The following TRPM7 variants were observed in gnomAD, a reference collection of about 807,000 sequenced individuals.
The protein encoded by TRPM7 is LTRPC ion channel family member 7.
In TRPM7, 134 loss-of-function variants were observed where a neutral mutation model predicts 229.7. The observed-to-expected ratio is 0.58, with a 90% CI of 0.51 to 0.67. The LOEUF (loss-of-function observed/expected upper bound fraction) is 0.67. Ranked by LOEUF, TRPM7 falls within the 30% of genes least tolerant of loss-of-function variation. The probability of loss-of-function intolerance (pLI) is 0.00; values close to 1 mark genes in which losing one functional copy is unlikely to be tolerated. For missense variants in TRPM7, 1,901 were observed against 2,210.0 expected (o/e 0.86, Z 2.80); for synonymous variants, 699 against 715.2 (o/e 0.98, Z 0.36).
chr15:50,631,823 T>C (rs546178042), intron 9 of TRPM7, among the ~76,000 whole-genome samples: 3 of 152,306 alleles, frequency 2.0e-5, no homozygotes, highest in South Asian at 4.1e-4. Flanking sequence ...GCTGAGGCTA[T>C]AGATTCCTTA....
rs2054058722 is a variant in TRPM7 at position 50,574,840 on chromosome 15, A to G, written c.5019+12T>C. On this transcript the variant is annotated intron_variant, in intron 34 of 38. Transcript: ENST00000646667. Reference sequence around the variant, plus strand: ...AATTATGTTCCACTATTAAATATTCACTGACACTTACTCTCAGACAGAGAT... The same window carrying G: ...AATTATGTTCCACTATTAAATATTCGCTGACACTTACTCTCAGACAGAGAT... 2 of 1,603,826 alleles carry G rather than the reference A, an allele frequency of 1.2e-6. No homozygotes were observed. The highest frequency in any genetic ancestry group is 1.7e-6 in the Non-Finnish European group (2 of 1,175,148).
At chr15:50,611,427 CACTT>C (rs1451709459) in intron 16 of TRPM7, 106 bp from the exon 17 acceptor site, 42 of 822,714 alleles carry the variant, frequency 5.1e-5, no homozygotes, top group African/African-American at 1.2e-4. Flanking sequence ...TTCTCACACA[CACTT>C]ACAGAATTAT....
intron 11 of TRPM7, among the ~76,000 whole-genome samples, chr15:50,627,419 T>C (rs936369881): frequency 6.6e-6 from 1 of 151,670 alleles, no homozygotes. Context: ...TAGGGAAAAA[T>C]GTTAAGATAG....
At chr15:50,663,221 C>T (rs752072923) in intron 1 of TRPM7, among the ~76,000 whole-genome samples, 175 bp from the exon 2 acceptor site, 3 of 151,830 alleles carry the variant, frequency 2.0e-5, no homozygotes, top group South Asian at 2.1e-4. Context: ...CTCCGCCTCC[C>T]GGGTTCAAGT....
chr15:50,594,130 A>G (rs977690269), intron 24 of TRPM7, among the ~76,000 whole-genome samples: 1 of 152,238 alleles, frequency 6.6e-6, no homozygotes, highest in Non-Finnish European at 1.5e-5. Context: ...AGAATGTACT[A>G]AAATTGTTAT....
At chr15:50,630,819 C>A (rs2060709324) in intron 10 of TRPM7, among the ~76,000 whole-genome samples, 1 of 151,988 alleles carries the variant, frequency 6.6e-6, no homozygotes, top group Non-Finnish European at 1.5e-5. Flanking sequence ...CTACAGAGTG[C>A]ACACCACCAT....
intron 31 of TRPM7, 87 bp from the exon 32 acceptor site, chr15:50,576,006 T>G (rs1566944308): frequency 1.5e-6 from 2 of 1,354,930 alleles, no homozygotes; most frequent in East Asian, 4.6e-5. Flanking sequence ...AAAATCATTT[T>G]GAATTTCCAT....
intron 11 of TRPM7, among the ~76,000 whole-genome samples, chr15:50,624,631 G>A (rs992024193): frequency 3.3e-5 from 5 of 152,156 alleles, no homozygotes; most frequent in African/African-American, 1.2e-4. Context: ...GTTTAGGGAA[G>A]GTTTTGTGGG....
At position 50,574,386 on chromosome 15, in the gene TRPM7, ATTG is replaced by A; in HGVS notation, c.5193_5195del (p.Asn1734del). 3 of 1,613,868 alleles carry A rather than the reference ATTG, an allele frequency of 1.9e-6. No individual in the cohort carries two copies. The highest frequency in any genetic ancestry group is 2.5e-6 in the Non-Finnish European group (3 of 1,179,860). On this transcript the variant is annotated inframe_deletion, in exon 36 of 39. Transcript: ENST00000646667. ...TTGGAATAATCTCATCTCCATTATTATTGTTGTATTTTCTAAATTCTCCAGTCA... is the reference window on the plus strand; with the variant it reads ...TTGGAATAATCTCATCTCCATTATTATTGTATTTTCTAAATTCTCCAGTCA...
At chr15:50,675,555 T>C (rs150575331) in intron 1 of TRPM7, among the ~76,000 whole-genome samples, 1 of 152,312 alleles carries the variant, frequency 6.6e-6, no homozygotes, top group Non-Finnish European at 1.5e-5. Flanking sequence ...AGCTGAAAGT[T>C]GTAAATATCA....
At chr15:50,637,040 G>C (rs553398567) in intron 7 of TRPM7, among the ~76,000 whole-genome samples, 2 of 151,896 alleles carry the variant, frequency 1.3e-5, no homozygotes, top group Middle Eastern at 6.3e-3. Flanking sequence ...GCAGAAGAAT[G>C]GTGTGAACCC....
In TRPM7 at chr15:50,605,386, T is replaced by C. The variant is rs1167859297; in HGVS notation, c.2710-242A>G. ...CCAACTAAGAAGCTGAAAATTCAGA[T>C]TACAACCCAGTTCTCTAGACCTGGA... On this transcript the variant is annotated intron_variant, in intron 20 of 38. Coordinates refer to ENST00000646667, the MANE Select transcript of TRPM7 (RefSeq NM_017672.6). 3.9e-5 allele frequency among the ~76,000 whole-genome samples: 6 copies of C among 152,178 alleles called. No individual in the cohort carries two copies. In the East Asian group the frequency reaches 1.2e-3, roughly 29 times the overall value.
chr15:50,614,346 C>A, intron 13 of TRPM7, 83 bp from the exon 14 acceptor site: 1 of 1,232,276 alleles, frequency 8.1e-7, no homozygotes, highest in African/African-American at 1.5e-5. Context: ...GGCCTACTCT[C>A]CAAAATGACA....
intron 16 of TRPM7, 28 bp downstream of exon 16, chr15:50,612,521 T>G: frequency 6.3e-7 from 1 of 1,590,518 alleles, no homozygotes; most frequent in East Asian, 2.3e-5. Flanking sequence ...ATTTTTAAAA[T>G]GTTTTCAAAT....
chr15:50,643,329 C>T lies in TRPM7; in HGVS notation c.535+11G>A, dbSNP rs1596290048. The T allele has an allele frequency of 6.2e-7, 1 of 1,604,878 alleles. No homozygotes were observed. The highest frequency in any genetic ancestry group is 8.5e-7 in the Non-Finnish European group (1 of 1,173,036). On this transcript the variant is annotated intron_variant, in intron 5 of 38. Coordinates refer to ENST00000646667, the MANE Select transcript of TRPM7 (RefSeq NM_017672.6). ...ACACACTAAATAAAATTGGTATAAT[C>T]ATCACATTACCTGTGTTTACTCCTC...
At chr15:50,661,217 C>T (rs886260529) in intron 2 of TRPM7, among the ~76,000 whole-genome samples, 2 of 151,838 alleles carry the variant, frequency 1.3e-5, no homozygotes, top group African/African-American at 2.4e-5. Context: ...CCTCGTGATC[C>T]GCCCACCTCA....
intron 1 of TRPM7, among the ~76,000 whole-genome samples, chr15:50,668,473 A>G (rs2061929215): frequency 6.6e-6 from 1 of 152,114 alleles, no homozygotes; most frequent in Non-Finnish European, 1.5e-5. Flanking sequence ...GAGACTATTT[A>G]TGAGTACTCT....
chr15:50,614,333 A>G (rs1158681418), intron 13 of TRPM7, 70 bp from the exon 14 acceptor site: 8 of 1,354,006 alleles, frequency 5.9e-6, no homozygotes, highest in Non-Finnish European at 8.0e-6. Context: ...CTGCCTAGGA[A>G]CAGGCCTACT....
At position 50,634,523 on chromosome 15, in the gene TRPM7, A is replaced by G. The variant is rs1005304565; in HGVS notation, c.866T>C (p.Ile289Thr). 9 of 1,529,586 alleles carry G rather than the reference A, an allele frequency of 5.9e-6. No individual in the cohort carries two copies. The highest frequency in any genetic ancestry group is 7.9e-6 in the Non-Finnish European group (9 of 1,143,166). 94.8% of individuals were successfully genotyped at this position (1,529,586 alleles called of 1,614,324 possible). The change falls in exon 8 of 39, where the codon ATA (isoleucine) becomes ACA (threonine). Residue 289 changes from isoleucine to threonine, a missense_variant. Ile to Thr is a moderately conservative substitution (Grantham distance 89). Transcript: ENST00000646667. ...IGQGVPVVAL[I>T]FEGGPNVILT... Reference sequence around the variant, plus strand: ...GATAACATTTGGCCCACCCTCAAATATAAGTGCCACCACAGGGACACCCTG... The same window carrying G: ...GATAACATTTGGCCCACCCTCAAATGTAAGTGCCACCACAGGGACACCCTG...
Sources: gnomAD v4.1 joint callset for allele counts (sites outside exome capture counted in the v4.1 genomes callset) on GRCh38, gnomAD v4.1.1 for gene constraint, MANE v1.5 for transcripts, NCBI Gene and HGNC (gene_info 2026-07-23, HGNC 2026-07-21) for gene names.